The following ADORA1 variants were observed in gnomAD, a reference collection of about 807,000 sequenced individuals.
ADORA1 encodes the protein adenosine receptor A1.
Under a neutral mutation model 19.9 loss-of-function variants are expected in ADORA1, and 6 were observed. The ratio of observed to expected loss-of-function variants is 0.30; its 90% CI spans 0.17 to 0.59. ADORA1 has a LOEUF of 0.59. Among genes scored for constraint, ADORA1 ranks in the 20% least tolerant of loss-of-function variants. The pLI, the probability that ADORA1 is intolerant of heterozygous loss-of-function variation, is 0.87. For missense variants in ADORA1, 302 were observed against 439.2 expected (o/e 0.69, Z 2.79); for synonymous variants, 194 against 188.4 (o/e 1.03, Z -0.24).
At chr1:203,133,260 C>T (rs1654399602) in intron 3 of ADORA1, among the ~76,000 whole-genome samples, 1 of 152,122 alleles carries the variant, frequency 6.6e-6, no homozygotes, top group South Asian at 2.1e-4. Flanking sequence ...ATTACAGGTG[C>T]ATGCCACCAT....
chr1:203,145,479 C>A (rs116056951), intron 3 of ADORA1, among the ~76,000 whole-genome samples: 4 of 152,198 alleles, frequency 2.6e-5, no homozygotes, highest in Non-Finnish European at 4.4e-5. Context: ...TGTAAGGATC[C>A]GGTGAGTGGT....
intron 3 of ADORA1, among the ~76,000 whole-genome samples, chr1:203,130,130 G>C (rs1276259319): frequency 6.6e-6 from 1 of 152,200 alleles, no homozygotes; most frequent in Non-Finnish European, 1.5e-5. Flanking sequence ...TTTCTCCTGG[G>C]GAGCTCTGGC....
intron 3 of ADORA1, chr1:203,164,970 G>T (rs1380092229): frequency 6.2e-6 from 9 of 1,461,152 alleles, no homozygotes; most frequent in South Asian, 2.5e-5. Context: ...TTTTACTGTG[G>T]TCATTTCCTT....
intron 3 of ADORA1, 55 bp downstream of exon 3, chr1:203,129,237 G>A: frequency 6.4e-7 from 1 of 1,550,708 alleles, no homozygotes; most frequent in Non-Finnish European, 8.7e-7. Flanking sequence ...TGGCTTGAGG[G>A]CCATCTAGAA....
chr1:203,166,108 G>A lies in ADORA1; in HGVS notation c.*208G>A. Reference sequence around the variant, plus strand: ...CCTCTGGGCCCTGCAGGAGGCCTGGGAGGGCAAGGGTCCTACGGAGGGACC... The same window carrying A: ...CCTCTGGGCCCTGCAGGAGGCCTGGAAGGGCAAGGGTCCTACGGAGGGACC... On this transcript the variant is annotated 3_prime_UTR_variant, in exon 4 of 4. Transcript: ENST00000337894. The A allele has an allele frequency of 1.7e-6, 1 of 582,430 alleles. No individual in the cohort carries two copies. Among genetic ancestry groups the A allele is most frequent in the Non-Finnish European group, 2.7e-6 (1 of 375,040 alleles). The allele number at this position is 582,430 out of a possible 1,614,324, so 36.1% of individuals were successfully genotyped here.
At chr1:203,152,022 G>A (rs1655053838) in intron 3 of ADORA1, among the ~76,000 whole-genome samples, 1 of 152,108 alleles carries the variant, frequency 6.6e-6, no homozygotes, top group Non-Finnish European at 1.5e-5. Flanking sequence ...CTTTCTGCTA[G>A]CGCTGAGCTC....
chr1:203,163,239 G>T (rs1005975942), intron 3 of ADORA1, among the ~76,000 whole-genome samples: 2 of 152,184 alleles, frequency 1.3e-5, no homozygotes, highest in African/African-American at 2.4e-5. Context: ...AAGGAATACT[G>T]GTCGGATGTT....
Position 203,128,494 on chromosome 1 carries a change from T to C in ADORA1, c.-58+62T>C. 8.3e-7 allele frequency: 1 copy of C among 1,201,744 alleles called. No homozygotes were observed. The highest frequency in any genetic ancestry group is 1.1e-6 in the Non-Finnish European group (1 of 911,126). 74.4% of individuals were successfully genotyped at this position (1,201,744 alleles called of 1,614,324 possible). ...GGCAGAGCCAGTCATGGGAGACCCC[T>C]CTGTGCGTGTGTCTGTGTGTGCGCG... is the stretch of plus-strand genomic sequence containing the variant. On this transcript the variant is annotated intron_variant, in intron 2 of 3. Transcript: ENST00000337894. The surrounding 1 kb of genome is among the most constrained non-coding windows in gnomAD (Gnocchi z 5.9).
rs892803005 is a variant in ADORA1 at position 203,128,743 on chromosome 1, C to T, written c.-57-42C>T. ...AGGGCAGCCTGAGCTCCCTGCCCCT[C>T]CCAGACGGGTCTCCCCATCCCAGGC... is the stretch of plus-strand genomic sequence containing the variant. On this transcript the variant is annotated intron_variant, in intron 2 of 3. Transcript: ENST00000337894. This position sits in a 1 kb window ranked among gnomAD's most constrained non-coding sequence, Gnocchi z 5.9. 6.6e-7 allele frequency: 1 copy of T among 1,509,904 alleles called. No individual in the cohort carries two copies. The highest frequency in any genetic ancestry group is 1.4e-5 in the African/African-American group (1 of 72,118). The allele number at this position is 1,509,904 out of a possible 1,614,324, so 93.5% of individuals were successfully genotyped here.
intron 3 of ADORA1, among the ~76,000 whole-genome samples, chr1:203,151,804 T>G (rs1655045736): frequency 6.6e-6 from 1 of 152,094 alleles, no homozygotes; most frequent in African/African-American, 2.4e-5. Flanking sequence ...ATTCATTCAT[T>G]CATTCATTCA....
At chr1:203,142,586 A>G (rs1403242694) in intron 3 of ADORA1, among the ~76,000 whole-genome samples, 1 of 152,192 alleles carries the variant, frequency 6.6e-6, no homozygotes, top group African/African-American at 2.4e-5. Flanking sequence ...GGGTGCACAG[A>G]GGGGTGAATG....
Position 203,165,564 on chromosome 1 carries a change from G to A in ADORA1, c.645G>A (p.Val215=), listed in dbSNP as rs1232373288. The change falls in exon 4 of 4, where the codon GTG becomes GTA. Residue 215 remains valine, a synonymous_variant. Coordinates refer to ENST00000337894, the MANE Select transcript of ADORA1 (RefSeq NM_000674.3). The surrounding 1 kb of genome is among the most constrained non-coding windows in gnomAD (Gnocchi z 5.9). ...YLIRKQLNKK[V]SASSGDPQKY... is the part of the protein sequence containing the mutation. ...TCCGCAAGCAGCTCAACAAGAAGGTGTCGGCCTCCTCCGGCGACCCGCAGA... is the reference window on the plus strand; with the variant it reads ...TCCGCAAGCAGCTCAACAAGAAGGTATCGGCCTCCTCCGGCGACCCGCAGA... The A allele has an allele frequency of 1.2e-6, 2 of 1,613,970 alleles. No individual in the cohort carries two copies. The highest frequency in any genetic ancestry group is 1.6e-4 in the Middle Eastern group (1 of 6,062).
intron 3 of ADORA1, among the ~76,000 whole-genome samples, chr1:203,155,560 G>A (rs965838043): frequency 6.6e-6 from 1 of 152,176 alleles, no homozygotes; most frequent in Non-Finnish European, 1.5e-5. Context: ...TTCTCATGAC[G>A]ACTGCTGGGA....
At chr1:203,131,552 G>A (rs1317261633) in intron 3 of ADORA1, among the ~76,000 whole-genome samples, 1 of 152,178 alleles carries the variant, frequency 6.6e-6, no homozygotes, top group Non-Finnish European at 1.5e-5. Context: ...GGCTAGACCT[G>A]TCCCCACTTC....
At chr1:203,132,539 T>A (rs1013381529) in intron 3 of ADORA1, among the ~76,000 whole-genome samples, 12 of 152,272 alleles carry the variant, frequency 7.9e-5, no homozygotes, top group African/African-American at 2.9e-4. Context: ...CCCTTCACCA[T>A]CTGTTAAATG....
chr1:203,156,256 A>C (rs11587032), intron 3 of ADORA1, among the ~76,000 whole-genome samples: 6,277 of 152,124 alleles, frequency 0.041, 182 homozygotes, highest in South Asian at 0.076. Context: ...GAGAGGGAGG[A>C]GGGAGAGAGT....
chr1:203,164,773 G>A (rs1571814445), intron 3 of ADORA1, among the ~76,000 whole-genome samples: 1 of 152,310 alleles, frequency 6.6e-6, no homozygotes, highest in East Asian at 1.9e-4. Flanking sequence ...CGTGTTTTAG[G>A]AAGCACGGAA....
intron 3 of ADORA1, among the ~76,000 whole-genome samples, chr1:203,155,640 C>T (rs1655176969): frequency 6.6e-6 from 1 of 152,210 alleles, no homozygotes; most frequent in African/African-American, 2.4e-5. Flanking sequence ...GAGTTCTGGC[C>T]AGGGAAGCCT....
At chr1:203,149,647 G>A (rs984587686) in intron 3 of ADORA1, among the ~76,000 whole-genome samples, 4 of 152,200 alleles carry the variant, frequency 2.6e-5, no homozygotes, top group African/African-American at 9.7e-5. Context: ...GGACCTTCGA[G>A]TGGAGACCCT....
Sources: gnomAD v4.1 joint callset for allele counts (sites outside exome capture counted in the v4.1 genomes callset) on GRCh38, gnomAD v4.1.1 for gene constraint, Gnocchi (gnomAD v3.1) non-coding constraint, MANE v1.5 for transcripts, NCBI Gene and HGNC (gene_info 2026-07-23, HGNC 2026-07-21) for gene names.